GOLGA7: variants seen among roughly 807,000 people sequenced by gnomAD.
GOLGA7 encodes golgin subfamily A member 7.
GOLGA7 carries 10 observed loss-of-function variants against 21.1 expected under a neutral mutation model. That is an observed-to-expected ratio of 0.47 (90% confidence interval 0.29 to 0.80). The LOEUF is 0.80. GOLGA7 is among the 30% of genes least tolerant of loss of function. The pLI, the probability that GOLGA7 is intolerant of heterozygous loss-of-function variation, is 0.08. For missense variants in GOLGA7, 114 were observed against 166.8 expected (o/e 0.68, Z 1.74); for synonymous variants, 64 against 62.6 (o/e 1.02, Z -0.10).
chr8:41,508,544 C>A (rs565455193), intron 4 of GOLGA7, among the ~76,000 whole-genome samples: 1 of 152,308 alleles, frequency 6.6e-6, no homozygotes, highest in African/African-American at 2.4e-5. Context: ...GGCTTTTGTT[C>A]CATGCCATGG....
chr8:41,506,050 A>C (rs765617022), intron 3 of GOLGA7, 38 bp downstream of exon 3: 5 of 1,008,026 alleles, frequency 5.0e-6, no homozygotes, highest in Non-Finnish European at 7.6e-6. Flanking sequence ...CTAAATATTT[A>C]TAACAAGAAA....
At chr8:41,500,716 C>T (rs975866269) in intron 2 of GOLGA7, among the ~76,000 whole-genome samples, 4 of 152,224 alleles carry the variant, frequency 2.6e-5, no homozygotes, top group Admixed American at 6.5e-5. Flanking sequence ...AGGCCTGAGC[C>T]GCTGCGCCCA....
rs1414540836 is a variant in GOLGA7 at position 41,490,632 on chromosome 8, G to A, written c.-223G>A. On this transcript the variant is annotated 5_prime_UTR_variant, in exon 1 of 5. Transcript: ENST00000357743. ...AGAGGAGGCGGGTTTGTGTTTCCCG[G>A]GCCGAACCGGGTTGTGGGGGGCGCG... is the stretch of plus-strand genomic sequence containing the variant. 7.5e-6 allele frequency: 4 copies of A among 533,780 alleles called. No homozygotes were observed. The highest frequency in any genetic ancestry group is 2.0e-5 in the African/African-American group (1 of 49,954). The allele number at this position is 533,780 out of a possible 1,614,324, so 33.1% of individuals were successfully genotyped here.
intron 2 of GOLGA7, among the ~76,000 whole-genome samples, chr8:41,501,179 T>C (rs1806141394): frequency 6.6e-6 from 1 of 152,234 alleles, no homozygotes; most frequent in Admixed American, 6.5e-5. Context: ...TGCTAGTCAG[T>C]TTATACTAAT....
chr8:41,491,099 G>A, intron 1 of GOLGA7, 134 bp downstream of exon 1: 1 of 638,908 alleles, frequency 1.6e-6, no homozygotes, highest in South Asian at 1.8e-5. Context: ...AGGGGCCTTG[G>A]CCAAACGTGT....
chr8:41,492,071 T>G (rs1226781778), intron 1 of GOLGA7, among the ~76,000 whole-genome samples: 7 of 152,238 alleles, frequency 4.6e-5, no homozygotes, highest in African/African-American at 1.4e-4. Flanking sequence ...TCCATTATAG[T>G]TTCCTTCAGT....
intron 4 of GOLGA7, among the ~76,000 whole-genome samples, chr8:41,508,355 G>A (rs1292701837): frequency 2.0e-5 from 3 of 152,184 alleles, no homozygotes; most frequent in Non-Finnish European, 4.4e-5. Context: ...TAGCACTAGT[G>A]AATGTGTCAC....
At chr8:41,497,910 T>G (rs748335368) in intron 2 of GOLGA7, among the ~76,000 whole-genome samples, 3 of 152,124 alleles carry the variant, frequency 2.0e-5, no homozygotes, top group Non-Finnish European at 4.4e-5. Flanking sequence ...ATGTAGAAAA[T>G]CTATATGTTC....
In GOLGA7 at chr8:41,504,181, A is replaced by T. The variant is rs1007765137; in HGVS notation, c.265-1730A>T. On this transcript the variant is annotated intron_variant, in intron 2 of 4. Coordinates refer to ENST00000357743, the MANE Select transcript of GOLGA7 (RefSeq NM_001002296.2). ...AACTTGCCCAGCAAAGTTATGCTTG[A>T]ACCAGATAAAAGAATGATGTTGCCG... is the stretch of plus-strand genomic sequence containing the variant. Among the ~76,000 whole-genome samples the T allele has an allele frequency of 3.3e-5, 5 of 151,852 alleles. No individual in the cohort carries two copies. In the East Asian group the frequency reaches 7.7e-4, roughly 23 times the overall value.
intron 2 of GOLGA7, among the ~76,000 whole-genome samples, chr8:41,500,791 G>A (rs778072973): frequency 6.6e-6 from 1 of 152,126 alleles, no homozygotes; most frequent in Non-Finnish European, 1.5e-5. Context: ...ATAGAAGTAG[G>A]GAAACTAGTC....
At chr8:41,501,527 A>C (rs1454469576) in intron 2 of GOLGA7, among the ~76,000 whole-genome samples, 1 of 152,088 alleles carries the variant, frequency 6.6e-6, no homozygotes, top group African/African-American at 2.4e-5. Flanking sequence ...TACAGGTGTG[A>C]GTCACTGCAC....
chr8:41,508,793 G>A (rs1055887269), intron 4 of GOLGA7, among the ~76,000 whole-genome samples: 39 of 152,232 alleles, frequency 2.6e-4, no homozygotes, highest in African/African-American at 9.1e-4. Context: ...ATTTCGTTTT[G>A]GGATTTGGGT....
At chr8:41,505,247 T>A (rs1264878415) in intron 2 of GOLGA7, among the ~76,000 whole-genome samples, 3 of 152,218 alleles carry the variant, frequency 2.0e-5, no homozygotes, top group African/African-American at 7.2e-5. Context: ...ACTTATAAAT[T>A]GAGGTTCCTG....
chr8:41,500,792 G>A (rs1042982077), intron 2 of GOLGA7, among the ~76,000 whole-genome samples: 1 of 152,186 alleles, frequency 6.6e-6, no homozygotes. Flanking sequence ...TAGAAGTAGG[G>A]AAACTAGTCA....
At chr8:41,499,736 A>G (rs1806106252) in intron 2 of GOLGA7, among the ~76,000 whole-genome samples, 2 of 152,220 alleles carry the variant, frequency 1.3e-5, no homozygotes, top group South Asian at 4.1e-4. Flanking sequence ...TTTTATAGGC[A>G]CAGGATAGGG....
At position 41,498,135 on chromosome 8, in the gene GOLGA7, G is replaced by A. The variant is rs565894633; in HGVS notation, c.264+474G>A. ...AGTACCATCTTTGGGCATGAGGGAT[G>A]AAGAAGAGGGAAAAATTAATCTGTT... On this transcript the variant is annotated intron_variant, in intron 2 of 4. Transcript: ENST00000357743. Among the ~76,000 whole-genome samples the A allele has an allele frequency of 5.9e-5, 9 of 152,244 alleles. No homozygotes were observed. In the South Asian group the frequency reaches 1.7e-3, roughly 28 times the overall value.
chr8:41,491,693 C>A (rs1291433530), intron 1 of GOLGA7, among the ~76,000 whole-genome samples: 2 of 149,590 alleles, frequency 1.3e-5, no homozygotes, highest in African/African-American at 4.9e-5. Flanking sequence ...AAAAAAAAAT[C>A]ATTGTATCTT....
At chr8:41,506,070 T>C in intron 3 of GOLGA7, 58 bp downstream of exon 3, 2 of 865,300 alleles carry the variant, frequency 2.3e-6, no homozygotes, top group South Asian at 3.1e-5. Flanking sequence ...AATGTTGATA[T>C]TGTTTGGCAT....
At chr8:41,507,445 T>C (rs904423994) in intron 4 of GOLGA7, among the ~76,000 whole-genome samples, 1 of 152,180 alleles carries the variant, frequency 6.6e-6, no homozygotes, top group Admixed American at 6.5e-5. Flanking sequence ...CCTAGACATA[T>C]AAATACTTGG....
Sources: gnomAD v4.1 joint callset for allele counts (sites outside exome capture counted in the v4.1 genomes callset) on GRCh38, gnomAD v4.1.1 for gene constraint, MANE v1.5 for transcripts, NCBI Gene and HGNC (gene_info 2026-07-23, HGNC 2026-07-21) for gene names.